The following RORB variants were observed in gnomAD, a reference collection of about 807,000 sequenced individuals.
RORB encodes nuclear receptor ROR-beta.
In RORB, 6 loss-of-function variants were observed where a neutral mutation model predicts 59.1. The ratio of observed to expected loss-of-function variants is 0.10; its 90% CI spans 0.06 to 0.20. The LOEUF is 0.20. Ranked by LOEUF, RORB falls within the 10% of genes least tolerant of loss-of-function variation. The pLI, the probability that RORB is intolerant of heterozygous loss-of-function variation, is 1.00. For synonymous variants in RORB, 215 were observed against 204.5 expected (o/e 1.05, Z -0.44); for missense variants, 320 against 560.5 (o/e 0.57, Z 4.33).
chr9:74,629,123 C>A (rs1823572972), intron 1 of RORB, among the ~76,000 whole-genome samples: 1 of 151,946 alleles, frequency 6.6e-6, no homozygotes, highest in Admixed American at 6.6e-5. Context: ...TATAATCTAG[C>A]TTCTGCCTTT....
At chr9:74,559,718 T>G (rs1474986662) in intron 1 of RORB, among the ~76,000 whole-genome samples, 4 of 152,140 alleles carry the variant, frequency 2.6e-5, no homozygotes, top group Non-Finnish European at 5.9e-5. Context: ...TCTATGACAT[T>G]TTCCTACCAA....
At chr9:74,535,354 A>T (rs1461405501) in intron 1 of RORB, among the ~76,000 whole-genome samples, 1 of 152,056 alleles carries the variant, frequency 6.6e-6, no homozygotes, top group African/African-American at 2.4e-5. Context: ...GGTTACTCAG[A>T]ATGGCTAAAT....
At chr9:74,603,357 G>C (rs1301129691) in intron 1 of RORB, among the ~76,000 whole-genome samples, 3 of 152,140 alleles carry the variant, frequency 2.0e-5, no homozygotes, top group Non-Finnish European at 4.4e-5. Flanking sequence ...TATTTGCCAA[G>C]CACAAGGAAG....
At chr9:74,581,497 C>T (rs1822722416) in intron 1 of RORB, among the ~76,000 whole-genome samples, 1 of 152,120 alleles carries the variant, frequency 6.6e-6, no homozygotes, top group African/African-American at 2.4e-5. Flanking sequence ...TGAGGTTTGC[C>T]AGAAATGAAT....
intron 1 of RORB, among the ~76,000 whole-genome samples, chr9:74,579,825 T>C (rs1474693922): frequency 6.6e-6 from 1 of 152,192 alleles, no homozygotes; most frequent in African/African-American, 2.4e-5. Context: ...CCACAGAACA[T>C]TGCGAGAGCA....
chr9:74,641,076 G>C (rs1426923656), intron 3 of RORB, among the ~76,000 whole-genome samples: 1 of 152,186 alleles, frequency 6.6e-6, no homozygotes, highest in East Asian at 1.9e-4. Context: ...AACACCAAGA[G>C]GTGGTGGGAA....
chr9:74,665,362 G>A, intron 6 of RORB, 126 bp from the exon 7 acceptor site: 1 of 485,510 alleles, frequency 2.1e-6, no homozygotes, highest in Non-Finnish European at 3.6e-6. Context: ...GTGTGTGTGT[G>A]TATGTGTCTC....
At chr9:74,630,071 C>A (rs948861096) in intron 1 of RORB, 4 of 215,642 alleles carry the variant, frequency 1.9e-5, no homozygotes, top group Admixed American at 1.3e-4. Flanking sequence ...TTGAGAAAAA[C>A]GAAGCAAACT....
At chr9:74,677,790 TA>T (rs1824470581) in intron 9 of RORB, among the ~76,000 whole-genome samples, 1 of 152,236 alleles carries the variant, frequency 6.6e-6, no homozygotes, top group African/African-American at 2.4e-5. Context: ...GCTGTATTAA[TA>T]CAACATCATA....
chr9:74,544,447 G>T (rs1281412593), intron 1 of RORB, among the ~76,000 whole-genome samples: 2 of 152,202 alleles, frequency 1.3e-5, no homozygotes, highest in Non-Finnish European at 2.9e-5. Flanking sequence ...TTTCTCATTT[G>T]CATACAGTGG....
chr9:74,680,553 G>T (rs1824530772), intron 9 of RORB, among the ~76,000 whole-genome samples: 1 of 152,188 alleles, frequency 6.6e-6, no homozygotes, highest in Non-Finnish European at 1.5e-5. Context: ...CTGCCACACG[G>T]ATGCTAAGGA....
chr9:74,630,206 A>G (rs1273580928), intron 1 of RORB, 76 bp from the exon 2 acceptor site: 1 of 1,564,204 alleles, frequency 6.4e-7, no homozygotes, highest in African/African-American at 1.3e-5. Context: ...GCAGAGATAG[A>G]TGGGGAGAGA....
At chr9:74,601,461 A>G (rs983409071) in intron 1 of RORB, among the ~76,000 whole-genome samples, 11 of 151,758 alleles carry the variant, frequency 7.2e-5, no homozygotes, top group Admixed American at 2.6e-4. Context: ...CATCTCCCCA[A>G]GGCAATCAGT....
intron 1 of RORB, among the ~76,000 whole-genome samples, chr9:74,535,696 T>C (rs1826312153): frequency 1.3e-5 from 2 of 152,018 alleles, no homozygotes; most frequent in South Asian, 4.1e-4. Flanking sequence ...TCAGAAATGT[T>C]TCAGGGTATG....
intron 1 of RORB, among the ~76,000 whole-genome samples, chr9:74,542,644 T>C (rs931645449): frequency 4.6e-5 from 7 of 152,218 alleles, no homozygotes; most frequent in Admixed American, 4.6e-4. Flanking sequence ...ATGTTACTTC[T>C]CTGACTTAGC....
At chr9:74,669,976 C>A (rs577089243) in intron 8 of RORB, among the ~76,000 whole-genome samples, 4 of 151,848 alleles carry the variant, frequency 2.6e-5, no homozygotes, top group Non-Finnish European at 5.9e-5. Context: ...TTTATTTAAC[C>A]ACTTTATCAA....
At chr9:74,549,300 T>C (rs528108851) in intron 1 of RORB, among the ~76,000 whole-genome samples, 152 of 151,786 alleles carry the variant, frequency 1.0e-3, no homozygotes, top group African/African-American at 3.6e-3. Flanking sequence ...AAAAATTAGC[T>C]GGGCATGGGA....
chr9:74,567,039 T>A (rs1822479704), intron 1 of RORB, among the ~76,000 whole-genome samples: 1 of 151,932 alleles, frequency 6.6e-6, no homozygotes, highest in South Asian at 2.1e-4. Flanking sequence ...ACCCTTTTTT[T>A]TTTTCTGAGA....
chr9:74,568,214 G>A (rs1442572106), intron 1 of RORB, among the ~76,000 whole-genome samples: 2 of 151,532 alleles, frequency 1.3e-5, no homozygotes, highest in Non-Finnish European at 2.9e-5. Context: ...CTTGATTCAG[G>A]TGAAAAGTAT....
Sources: gnomAD v4.1 joint callset for allele counts (sites outside exome capture counted in the v4.1 genomes callset) on GRCh38, gnomAD v4.1.1 for gene constraint, MANE v1.5 for transcripts, NCBI Gene and HGNC (gene_info 2026-07-23, HGNC 2026-07-21) for gene names.